Variants in ADAMTSL1 observed in about 807,000 individuals in gnomAD.
The protein encoded by ADAMTSL1 is ADAMTS-like protein 1.
ADAMTSL1 carries 126 observed loss-of-function variants against 201.8 expected under a neutral mutation model. The ratio of observed to expected loss-of-function variants is 0.62; its 90% CI spans 0.54 to 0.72. The LOEUF is 0.72. Among genes scored for constraint, ADAMTSL1 ranks in the 30% least tolerant of loss-of-function variants. The probability of loss-of-function intolerance (pLI) is 0.00; values close to 1 mark genes in which losing one functional copy is unlikely to be tolerated. For missense variants in ADAMTSL1, 2,679 were observed against 2,277.8 expected (o/e 1.18, Z -3.59); for synonymous variants, 1,121 against 903.4 (o/e 1.24, Z -4.32).
intron 2 of ADAMTSL1, among the ~76,000 whole-genome samples, chr9:18,410,804 T>C (rs139979398): frequency 0.013 from 1,994 of 152,082 alleles, 22 homozygotes; most frequent in Middle Eastern, 0.054. Context: ...TTTTAATCTG[T>C]TAATGTATTT....
intron 2 of ADAMTSL1, among the ~76,000 whole-genome samples, chr9:18,277,923 G>C (rs923397131): frequency 6.6e-6 from 1 of 151,888 alleles, no homozygotes; most frequent in African/African-American, 2.4e-5. Flanking sequence ...GTAGTGGAAT[G>C]GTTTAATTTC....
intron 1 of ADAMTSL1, among the ~76,000 whole-genome samples, chr9:18,498,000 C>T (rs1275446811): frequency 6.6e-6 from 1 of 151,932 alleles, no homozygotes; most frequent in African/African-American, 2.4e-5. Flanking sequence ...TGTCCCAGGA[C>T]GAGAAGGAAT....
chr9:17,956,793 T>C (rs1827949364), intron 1 of ADAMTSL1, among the ~76,000 whole-genome samples: 2 of 152,250 alleles, frequency 1.3e-5, no homozygotes, highest in African/African-American at 2.4e-5. Context: ...GTATAAGAAG[T>C]TTGTTAATAG....
chr9:18,388,739 T>C (rs1563928650), intron 2 of ADAMTSL1, among the ~76,000 whole-genome samples: 2 of 151,910 alleles, frequency 1.3e-5, no homozygotes, highest in Admixed American at 6.6e-5. Context: ...TTGTTGTTGT[T>C]GTTTAATAGC....
intron 2 of ADAMTSL1, among the ~76,000 whole-genome samples, chr9:18,514,491 G>A (rs959710986): frequency 1.3e-5 from 2 of 151,690 alleles, no homozygotes; most frequent in East Asian, 3.9e-4. Context: ...CACCATGCCC[G>A]GCTACTTTTT....
At chr9:18,378,689 A>C (rs1379943400) in intron 2 of ADAMTSL1, among the ~76,000 whole-genome samples, 2 of 152,010 alleles carry the variant, frequency 1.3e-5, no homozygotes, top group East Asian at 3.9e-4. Context: ...GGCTCTCATG[A>C]TGCCCACTTT....
At chr9:18,439,017 CCTTTT>C (rs367883944) in intron 2 of ADAMTSL1, among the ~76,000 whole-genome samples, 1 of 149,868 alleles carries the variant, frequency 6.7e-6, no homozygotes. Flanking sequence ...TTTTTCCTTT[CCTTTT>C]ATTTTCAAAG....
At chr9:18,178,691 G>T (rs1042232920) in intron 2 of ADAMTSL1, among the ~76,000 whole-genome samples, 1 of 151,582 alleles carries the variant, frequency 6.6e-6, no homozygotes, top group African/African-American at 2.4e-5. Context: ...AGAACGGGCA[G>T]ACTGCCTCCT....
intron 15 of ADAMTSL1, among the ~76,000 whole-genome samples, chr9:18,746,290 G>A (rs1003151589): frequency 1.3e-5 from 2 of 152,192 alleles, no homozygotes; most frequent in African/African-American, 4.8e-5. Context: ...ATCCTGAAGG[G>A]AGATGCATCC....
At chr9:18,678,731 G>C (rs1187655652) in intron 10 of ADAMTSL1, among the ~76,000 whole-genome samples, 1 of 152,022 alleles carries the variant, frequency 6.6e-6, no homozygotes, top group Non-Finnish European at 1.5e-5. Context: ...CTACTTCACT[G>C]TCAGATCAAA....
At chr9:18,180,698 TG>T (rs763779780) in intron 2 of ADAMTSL1, among the ~76,000 whole-genome samples, 126 of 152,136 alleles carry the variant, frequency 8.3e-4, no homozygotes, top group Non-Finnish European at 1.4e-3. Context: ...ATCATGAAAA[TG>T]GCCATACTGC....
intron 15 of ADAMTSL1, among the ~76,000 whole-genome samples, chr9:18,749,434 G>C (rs10756985): frequency 0.56 from 85,310 of 151,594 alleles, 24,209 homozygotes; most frequent in South Asian, 0.62. Context: ...CAAGCAAAGA[G>C]GGGAAAAAGG....
chr9:18,237,009 C>T (rs1346168341), intron 2 of ADAMTSL1, among the ~76,000 whole-genome samples: 1 of 152,216 alleles, frequency 6.6e-6, no homozygotes, highest in Non-Finnish European at 1.5e-5. Flanking sequence ...TTTCCAGAGC[C>T]TGACTATTGC....
At chr9:18,730,945 C>G (rs1818182216) in intron 15 of ADAMTSL1, among the ~76,000 whole-genome samples, 1 of 152,228 alleles carries the variant, frequency 6.6e-6, no homozygotes, top group East Asian at 1.9e-4. Context: ...CCCGAGTTGC[C>G]TGGAGCTTGA....
chr9:18,768,692 A>G (rs753989743), intron 16 of ADAMTSL1, among the ~76,000 whole-genome samples: 6 of 152,202 alleles, frequency 3.9e-5, no homozygotes, highest in Non-Finnish European at 8.8e-5. Context: ...AGGCTTAACT[A>G]GACAAAGTTG....
chr9:18,638,039 A>T (rs1827206487), intron 6 of ADAMTSL1, among the ~76,000 whole-genome samples: 1 of 152,098 alleles, frequency 6.6e-6, no homozygotes, highest in Non-Finnish European at 1.5e-5. Flanking sequence ...CTTTCCCCTG[A>T]TGACAACAAC....
chr9:17,972,554 A>G (rs1405276615), intron 1 of ADAMTSL1, among the ~76,000 whole-genome samples: 1 of 151,826 alleles, frequency 6.6e-6, no homozygotes, highest in Non-Finnish European at 1.5e-5. Flanking sequence ...TTCTTAATCC[A>G]GTCTACTGTT....
chr9:18,449,016 A>C (rs1820305512), intron 2 of ADAMTSL1, among the ~76,000 whole-genome samples: 1 of 151,832 alleles, frequency 6.6e-6, no homozygotes, highest in Admixed American at 6.6e-5. Context: ...CTTTTCTCTT[A>C]AGTAGTTCAT....
chr9:18,436,137 T>C lies in ADAMTSL1; in HGVS notation c.208-68692T>C, dbSNP rs75320445. Among the ~76,000 whole-genome samples the C allele has an allele frequency of 9.4e-3, 1,431 of 152,108 alleles. 21 individuals are homozygous for C. The highest frequency in any genetic ancestry group is 0.032 in the African/African-American group (1,316 of 41,496). ...CCTGGAGGGTTTGCAGGGGTCTAGA[T>C]TGGTTTGAGGATTACAAGTCTGAAG... On this transcript the variant is annotated intron_variant, in intron 2 of 29. Coordinates refer to the ADAMTSL1 transcript ENST00000680146.
Sources: allele counts gnomAD v4.1 joint callset (sites outside exome capture counted in the v4.1 genomes callset), GRCh38; gene constraint gnomAD v4.1.1; transcripts MANE v1.5; gene names NCBI Gene and HGNC (gene_info 2026-07-23, HGNC 2026-07-21).